Variants in ALDH1A1 observed in about 807,000 individuals in gnomAD.
ALDH1A1 encodes aldehyde dehydrogenase 1 family member A1, also known as aldehyde dehydrogenase 1A1.
A neutral mutation model predicts 62.1 loss-of-function variants in ALDH1A1; 19 were observed. The observed-to-expected ratio is 0.31, with a 90% CI of 0.21 to 0.45. ALDH1A1 has a LOEUF of 0.45. ALDH1A1 is among the 20% of genes least tolerant of loss of function. The pLI is 1.00. For synonymous variants in ALDH1A1, 231 were observed against 215.9 expected (o/e 1.07, Z -0.61); for missense variants, 521 against 607.1 (o/e 0.86, Z 1.49).
At chr9:72,903,008 C>T (rs1441075629) in intron 12 of ALDH1A1, among the ~76,000 whole-genome samples, 1 of 151,148 alleles carries the variant, frequency 6.6e-6, no homozygotes, top group Non-Finnish European at 1.5e-5. Context: ...ATCTGATTTC[C>T]TCTCTGTACC....
chr9:72,908,577 AAGAAAGAAAG>A (rs1438595382), intron 11 of ALDH1A1, among the ~76,000 whole-genome samples: 6 of 124,036 alleles, frequency 4.8e-5, no homozygotes, highest in Non-Finnish European at 8.6e-5. Context: ...GAAAGAAAGA[AAGAAAGAAAG>A]AAAGAAAGAA....
intron 10 of ALDH1A1, among the ~76,000 whole-genome samples, chr9:72,911,222 G>A (rs1372241419): frequency 1.3e-5 from 2 of 151,982 alleles, no homozygotes; most frequent in Non-Finnish European, 2.9e-5. Flanking sequence ...GAAACAAATA[G>A]GACTAAGAGC....
intron 2 of ALDH1A1, among the ~76,000 whole-genome samples, chr9:72,938,258 A>T (rs920826072): frequency 6.6e-6 from 1 of 152,112 alleles, no homozygotes; most frequent in Non-Finnish European, 1.5e-5. Flanking sequence ...AATAATAATA[A>T]AATAAAATAA....
At chr9:72,918,957 T>C (rs1830099448) in intron 7 of ALDH1A1, 135 bp from the exon 8 acceptor site, 1 of 612,888 alleles carries the variant, frequency 1.6e-6, no homozygotes, top group Admixed American at 3.0e-5. Context: ...GCTTTTTTTT[T>C]TGAGACGAAG....
chr9:72,905,593 T>G (rs1829868537), intron 12 of ALDH1A1, among the ~76,000 whole-genome samples: 1 of 152,166 alleles, frequency 6.6e-6, no homozygotes, highest in African/African-American at 2.4e-5. Flanking sequence ...TGTTTACATT[T>G]GCACCTTTCT....
intron 2 of ALDH1A1, among the ~76,000 whole-genome samples, chr9:72,931,583 T>G (rs1830283167): frequency 6.6e-6 from 1 of 152,208 alleles, no homozygotes; most frequent in East Asian, 1.9e-4. Context: ...ATATCTTCCT[T>G]GGTCTCTGGT....
At chr9:72,948,272 A>AG (rs1830497317) in intron 1 of ALDH1A1, among the ~76,000 whole-genome samples, 1 of 152,018 alleles carries the variant, frequency 6.6e-6, no homozygotes, top group Admixed American at 6.6e-5. Flanking sequence ...TTCAGTTGGA[A>AG]GGAAGTTAAA....
In ALDH1A1 at chr9:72,940,217, A is replaced by G. The variant is rs1372630245; in HGVS notation, c.102T>C (p.Ser34=). 6.2e-7 allele frequency: 1 copy of G among 1,613,642 alleles called. No homozygotes were observed. Among genetic ancestry groups the G allele is most frequent in the Admixed American group, 1.7e-5 (1 of 59,994 alleles). ...GATTAAAGACAGGAAATTTCTTGCC[A>G]CTCACTGAATCATGCCATTCATTGT... The part of the protein sequence containing the change: ...FINNEWHDSV[S]GKKFPVFNPA... Residue 34 remains serine, a synonymous_variant, in exon 2 of 13, where the codon AGT becomes AGC. Transcript: ENST00000297785.
At chr9:72,944,949 A>G (rs1375007991) in intron 1 of ALDH1A1, among the ~76,000 whole-genome samples, 2 of 152,110 alleles carry the variant, frequency 1.3e-5, no homozygotes, top group Non-Finnish European at 2.9e-5. Context: ...TGTTGAGGCA[A>G]CTTAGAAATG....
intron 2 of ALDH1A1, among the ~76,000 whole-genome samples, chr9:72,935,342 C>G (rs1463498632): frequency 6.6e-6 from 1 of 152,076 alleles, no homozygotes; most frequent in Non-Finnish European, 1.5e-5. Context: ...ACTGAAAATG[C>G]TCCTTTTTTT....
chr9:72,922,593 T>C (rs1282020095), intron 7 of ALDH1A1, among the ~76,000 whole-genome samples: 2 of 151,936 alleles, frequency 1.3e-5, no homozygotes, highest in African/African-American at 2.4e-5. Context: ...ACAGTAAAGA[T>C]AGCTGATGAG....
chr9:72,903,609 TA>T (rs199838126), intron 12 of ALDH1A1, among the ~76,000 whole-genome samples: 24,327 of 141,652 alleles, frequency 0.17, 2,044 homozygotes, highest in African/African-American at 0.2. Context: ...ATTTTTGAAG[TA>T]AAAAAAAAAA....
At chr9:72,930,653 C>T (rs544850337) in intron 3 of ALDH1A1, among the ~76,000 whole-genome samples, 7 of 152,056 alleles carry the variant, frequency 4.6e-5, no homozygotes, top group Admixed American at 2.6e-4. Context: ...AAGTTTAGAC[C>T]GTAGAATCTA....
Position 72,928,931 on chromosome 9 carries a change from C to G in ALDH1A1, c.403G>C (p.Gly135Arg). Reference protein sequence around the residue: ...GCIKTLRYCAGWADKIQGRTI... With the variant: ...GCIKTLRYCARWADKIQGRTI... Reference sequence around the variant, plus strand: ...CGGCCCTGGATCTTGTCAGCCCAACCTGCACAGTAGCGCAATGTTTTGATG... The same window carrying G: ...CGGCCCTGGATCTTGTCAGCCCAACGTGCACAGTAGCGCAATGTTTTGATG... The change falls in exon 4 of 13, where the codon GGT becomes CGT. Residue 135 changes from glycine to arginine, a missense_variant. Physicochemically the swap from Gly to Arg is moderately radical, Grantham distance 125 (BLOSUM62 -2). Coordinates refer to ENST00000297785, the MANE Select transcript of ALDH1A1 (RefSeq NM_000689.5). 6.2e-7 allele frequency: 1 copy of G among 1,613,978 alleles called. No individual in the cohort carries two copies. The highest frequency in any genetic ancestry group is 8.5e-7 in the Non-Finnish European group (1 of 1,179,906).
intron 1 of ALDH1A1, among the ~76,000 whole-genome samples, chr9:72,943,805 G>T (rs1386698614): frequency 6.6e-6 from 1 of 152,200 alleles, no homozygotes; most frequent in Middle Eastern, 3.4e-3. Flanking sequence ...AGAGGAGAAT[G>T]TATTCATATC....
chr9:72,917,258 T>A (rs942212939), intron 8 of ALDH1A1, among the ~76,000 whole-genome samples, 154 bp from the exon 9 acceptor site: 3 of 152,150 alleles, frequency 2.0e-5, no homozygotes, highest in African/African-American at 4.8e-5. Flanking sequence ...AGGTGGCAAA[T>A]TAATCTTTCT....
chr9:72,904,288 T>C (rs935313572), intron 12 of ALDH1A1, among the ~76,000 whole-genome samples: 1 of 152,140 alleles, frequency 6.6e-6, no homozygotes, highest in African/African-American at 2.4e-5. Flanking sequence ...ATCCTAAATA[T>C]ATCCATGGCT....
intron 1 of ALDH1A1, among the ~76,000 whole-genome samples, chr9:72,946,250 A>G (rs1461509284): frequency 6.6e-6 from 1 of 152,052 alleles, no homozygotes; most frequent in African/African-American, 2.4e-5. Flanking sequence ...AATATAAAGC[A>G]TAATTCAGTA....
chr9:72,929,060 A>AAC lies in ALDH1A1; in HGVS notation c.313-40_313-39insGT, dbSNP rs397700702. 4 of 1,594,252 alleles carry AAC rather than the reference A, an allele frequency of 2.5e-6. No individual in the cohort carries two copies. The African/African-American group carries it at 4.1e-5, about 16-fold the overall frequency. ...CAAACACCAAATCTAAAATTCCATA[A>AAC]GTTTTAGATTAAAAATATGTAGTAA... On this transcript the variant is annotated intron_variant, in intron 3 of 12. Transcript: ENST00000297785.
Sources: gnomAD v4.1 joint callset for allele counts (sites outside exome capture counted in the v4.1 genomes callset) on GRCh38, gnomAD v4.1.1 for gene constraint, MANE v1.5 for transcripts, NCBI Gene and HGNC (gene_info 2026-07-23, HGNC 2026-07-21) for gene names.